Variants in ADRA1D observed in about 807,000 individuals in gnomAD.
The protein encoded by ADRA1D is alpha-1D adrenergic receptor.
ADRA1D carries 22 observed loss-of-function variants against 18.6 expected under a neutral mutation model. The ratio of observed to expected loss-of-function variants is 1.19; its 90% confidence interval spans 0.85 to 1.69. ADRA1D has a LOEUF of 1.69. ADRA1D is among the 40% of genes most tolerant of loss of function. The pLI is 0.00. For synonymous variants in ADRA1D, 376 were observed against 388.2 expected (o/e 0.97, Z 0.37); for missense variants, 840 against 840.7 (o/e 1.00, Z 0.01).
Position 4,221,740 on chromosome 20 carries a change from C to T in ADRA1D, c.1502G>A (p.Gly501Glu). The change falls in exon 2 of 2, where the codon GGG becomes GAG. Residue 501 changes from glycine to glutamate, a missense_variant. Physicochemically the swap from Gly to Glu is moderately conservative, Grantham distance 98. Transcript: ENST00000379453. ...CTGGGTCGTGGGTCTCCGGAACGGC[C>T]CCAGCAGCCTCCACTCGCGGAAGGC... Reference protein sequence around the residue: ...PSAFREWRLLGPFRRPTTQLR... With the variant: ...PSAFREWRLLEPFRRPTTQLR... 6.2e-7 allele frequency: 1 copy of T among 1,603,904 alleles called. No individual in the cohort carries two copies. The highest frequency in any genetic ancestry group is 8.5e-7 in the Non-Finnish European group (1 of 1,177,478).
intron 1 of ADRA1D, among the ~76,000 whole-genome samples, chr20:4,245,116 G>A (rs557944856): frequency 3.0e-4 from 46 of 152,364 alleles, no homozygotes; most frequent in Non-Finnish European, 4.9e-4. Context: ...ACGTGACGTG[G>A]ACCTCAAAGA....
chr20:4,227,980 T>C (rs143232933), intron 1 of ADRA1D, among the ~76,000 whole-genome samples: 45 of 152,288 alleles, frequency 3.0e-4, no homozygotes, highest in African/African-American at 9.6e-4. Flanking sequence ...TTGCTCTCTG[T>C]ACACAGCTGG....
At chr20:4,224,556 C>T (rs1177746308) in intron 1 of ADRA1D, among the ~76,000 whole-genome samples, 2 of 152,024 alleles carry the variant, frequency 1.3e-5, no homozygotes, top group African/African-American at 4.8e-5. Flanking sequence ...CAGGGGTGTT[C>T]CATCCTGGAT....
rs1309533400 is a variant in ADRA1D, at chr20:4,227,709, T to TC, written c.1112-5580dup. ...CTCTCTCCCTCCCTCCCTCCCTCCT[T>TC]CCTTCCTTCCTTCCTTCCTTCCTTC... On this transcript the variant is annotated intron_variant, in intron 1 of 1. Transcript: ENST00000379453. Among the ~76,000 whole-genome samples the TC allele has an allele frequency of 1.5e-3, 80 of 51,860 alleles. 2 individuals are homozygous for TC. The highest frequency in any genetic ancestry group is 3.6e-3 in the African/African-American group (66 of 18,424). 34.0% of individuals were successfully genotyped at this position (51,860 alleles called of 152,430 possible).
In ADRA1D at chr20:4,237,901, C is replaced by T. The variant is rs1600850336; in HGVS notation, c.1111+9946G>A. ...TTCACCATGTTGGCTAGGCTGGTCT[C>T]GAAATCCTGACCCAAGCCACCGTGC... On this transcript the variant is annotated intron_variant, in intron 1 of 1. Transcript: ENST00000379453. Among the ~76,000 whole-genome samples, 4 of 145,236 alleles carry T rather than the reference C, an allele frequency of 2.8e-5. No individual in the cohort carries two copies. The South Asian group carries it at 9.9e-4, about 36-fold the overall frequency.
chr20:4,232,590 A>G (rs1980996516), intron 1 of ADRA1D, among the ~76,000 whole-genome samples: 1 of 152,180 alleles, frequency 6.6e-6, no homozygotes, highest in African/African-American at 2.4e-5. Context: ...GAGAAACCCT[A>G]AAGAGCTGCT....
chr20:4,246,817 A>G (rs566087039), intron 1 of ADRA1D, among the ~76,000 whole-genome samples: 1 of 152,314 alleles, frequency 6.6e-6, no homozygotes, highest in South Asian at 2.1e-4. Context: ...TCTAATTTAT[A>G]ATATATAAAG....
At chr20:4,238,850 A>G (rs1228997194) in intron 1 of ADRA1D, among the ~76,000 whole-genome samples, 2 of 152,006 alleles carry the variant, frequency 1.3e-5, no homozygotes, top group African/African-American at 4.8e-5. Flanking sequence ...AAATAGGAGG[A>G]AGTGAGGGAA....
At chr20:4,246,369 T>C (rs1243832628) in intron 1 of ADRA1D, among the ~76,000 whole-genome samples, 2 of 151,800 alleles carry the variant, frequency 1.3e-5, no homozygotes, top group East Asian at 1.9e-4. Flanking sequence ...TCCAAGAAGG[T>C]CCCTCTGAAG....
rs146639550 is a variant in ADRA1D, at chr20:4,246,265, C to T, written c.1111+1582G>A. Among the ~76,000 whole-genome samples the T allele has an allele frequency of 9.8e-5, 15 of 152,306 alleles. No homozygotes were observed. The East Asian group carries it at 2.9e-3, about 29-fold the overall frequency. On this transcript the variant is annotated intron_variant, in intron 1 of 1. Transcript: ENST00000379453. Reference sequence around the variant, plus strand: ...GGGCCAGTCCCAGAAACAAAACAAGCAGCACACAGATGTAATTACAACCAA... The same window carrying T: ...GGGCCAGTCCCAGAAACAAAACAAGTAGCACACAGATGTAATTACAACCAA...
rs374444386 is a variant in ADRA1D at position 4,247,992 on chromosome 20, G to A, written c.966C>T (p.Arg322=). The change falls in exon 1 of 2, where the codon CGC becomes CGT. Residue 322 remains arginine, a synonymous_variant. Transcript: ENST00000379453. ...TGCGGAAGGTGTGGCCCTTGGCGCT[G>A]CGCATGCCGTGCGCCCCGTCGGCGC... ...ATGADGAHGM[R]SAKGHTFRSS... 5.6e-5 allele frequency: 88 copies of A among 1,568,682 alleles called. No homozygotes were observed. Among genetic ancestry groups the A allele is most frequent in the South Asian group, 1.2e-5 (1 of 85,886 alleles).
intron 1 of ADRA1D, among the ~76,000 whole-genome samples, chr20:4,228,970 C>A (rs1980888703): frequency 6.6e-6 from 1 of 152,178 alleles, no homozygotes; most frequent in East Asian, 1.9e-4. Flanking sequence ...CATGTTCCAC[C>A]CCTCCCAGGC....
rs1270979432 is a variant in ADRA1D, at chr20:4,247,851, C to T, written c.1107G>A (p.Pro369=). 1.2e-5 allele frequency: 18 copies of T among 1,543,736 alleles called. 1 individual carries two copies. Among genetic ancestry groups the T allele is most frequent in the African/African-American group, 1.4e-5 (1 of 71,408 alleles). ...GGTGGGAGAGGGGTCACTCACCGAG[C>T]GGCAGGACAAAGAAGAAAGGGAACC... ...LCWFPFFFVL[P]LGSLFPQLKP... Residue 369 remains proline, a synonymous_variant, in exon 1 of 2, where the codon CCG becomes CCA. Coordinates refer to ENST00000379453, the MANE Select transcript of ADRA1D (RefSeq NM_000678.4).
intron 1 of ADRA1D, among the ~76,000 whole-genome samples, chr20:4,233,345 C>A (rs1981014905): frequency 6.6e-6 from 1 of 151,772 alleles, no homozygotes; most frequent in Admixed American, 6.6e-5. Context: ...CCTGTAGCCC[C>A]AGCTACTTGG....
chr20:4,226,800 T>C (rs961772907), intron 1 of ADRA1D, among the ~76,000 whole-genome samples: 2 of 152,230 alleles, frequency 1.3e-5, no homozygotes, highest in African/African-American at 2.4e-5. Flanking sequence ...ACATGTTGCC[T>C]GGAAATACAA....
In ADRA1D at chr20:4,248,689, A is replaced by C; in HGVS notation, c.269T>G (p.Leu90Arg). Reference sequence around the variant, plus strand: ...GCCCACGCCCTGCGCGCTCACCACCAGTCCCCCGACGGCCGCCGTGCCATT... The same window carrying C: ...GCCCACGCCCTGCGCGCTCACCACCCGTCCCCCGACGGCCGCCGTGCCATT... ...DVNGTAAVGG[L>R]VVSAQGVGVG... The change falls in exon 1 of 2, where the codon CTG (leucine) becomes CGG (arginine). Residue 90 changes from leucine (L) to arginine (R), a missense_variant. By Grantham distance (102) the Leu-to-Arg change is moderately radical. Transcript: ENST00000379453. 6.3e-7 allele frequency: 1 copy of C among 1,585,236 alleles called. No homozygotes were observed. Among genetic ancestry groups the C allele is most frequent in the Non-Finnish European group, 8.6e-7 (1 of 1,167,026 alleles).
chr20:4,243,560 G>A (rs2122676649), intron 1 of ADRA1D, among the ~76,000 whole-genome samples: 1 of 152,280 alleles, frequency 6.6e-6, no homozygotes, highest in South Asian at 2.1e-4. Flanking sequence ...ACTGAAAGGG[G>A]AGCACTACTA....
At chr20:4,231,056 TTCTTTCTTTC>T (rs1206048765) in intron 1 of ADRA1D, among the ~76,000 whole-genome samples, 3 of 91,360 alleles carry the variant, frequency 3.3e-5, no homozygotes, top group African/African-American at 8.9e-5. Flanking sequence ...CTTTCTTTCT[TTCTTTCTTTC>T]TCTCTCTCTC....
chr20:4,246,099 G>A (rs4815677), intron 1 of ADRA1D, among the ~76,000 whole-genome samples: 130,474 of 151,662 alleles, frequency 0.86, 57,082 homozygotes, highest in Middle Eastern at 0.98. Flanking sequence ...CTAGCGGGAG[G>A]GAGGCAGAGC....
Sources: gnomAD v4.1 joint callset for allele counts (sites outside exome capture counted in the v4.1 genomes callset) on GRCh38, gnomAD v4.1.1 for gene constraint, MANE v1.5 for transcripts, NCBI Gene and HGNC (gene_info 2026-07-23, HGNC 2026-07-21) for gene names.